Variants in ZFP30 observed in about 807,000 individuals in gnomAD.
The protein encoded by ZFP30 is zinc finger protein 30 homolog.
A neutral mutation model predicts 12.3 loss-of-function variants in ZFP30; 16 were observed. That is an observed-to-expected ratio of 1.30 (90% CI 0.88 to 1.98). The LOEUF (loss-of-function observed/expected upper bound fraction) is 1.98. Ranked by LOEUF, ZFP30 falls within the 30% of genes most tolerant of loss-of-function variation. The probability of loss-of-function intolerance (pLI) is 0.00; values close to 1 mark genes in which losing one functional copy is unlikely to be tolerated. For missense variants in ZFP30, 560 were observed against 611.2 expected (o/e 0.92, Z 0.88); for synonymous variants, 172 against 201.0 (o/e 0.86, Z 1.22).
In ZFP30 at chr19:37,635,840, C is replaced by A. The variant is rs1374906554; in HGVS notation, c.701G>T (p.Arg234Ile). Residue 234 changes from arginine to isoleucine, a missense_variant, in exon 6 of 6, where the codon AGA (arginine) becomes ATA (isoleucine). By Grantham distance (97) the Arg-to-Ile change is moderately conservative. Transcript: ENST00000684514. ...ATACGGCTTCTCACCAATATGAATTCTCTGATGTACTCGAAGGTCTGAGCC... is the reference window on the plus strand; with the variant it reads ...ATACGGCTTCTCACCAATATGAATTATCTGATGTACTCGAAGGTCTGAGCC... ...TCGSDLRVHQ[R>I]IHIGEKPYEC... The A allele has an allele frequency of 6.2e-6, 10 of 1,614,130 alleles. No individual in the cohort carries two copies. The highest frequency in any genetic ancestry group is 2.7e-5 in the African/African-American group (2 of 75,032).
chr19:37,654,989 C>G (rs1230523133), intron 1 of ZFP30, 110 bp from the exon 2 acceptor site: 1 of 152,276 alleles, frequency 6.6e-6, no homozygotes, highest in African/African-American at 2.4e-5. Flanking sequence ...CGCCCGGGAC[C>G]ACCCACTGTG....
Position 37,635,359 on chromosome 19 carries a change from G to GT in ZFP30, c.1181dup (p.Tyr394Ter), listed in dbSNP as rs1226790639. 2 of 1,613,028 alleles carry GT rather than the reference G, an allele frequency of 1.2e-6. No individual in the cohort carries two copies. Among genetic ancestry groups the GT allele is most frequent in the African/African-American group, 2.7e-5 (2 of 74,576 alleles). ...CKECQKFFRRYSELISHQGIH... is the reference protein window; with the variant it reads ...CKECQKFFRR The stretch of plus-strand genomic sequence containing the variant: ...TACCCTGATGTGAAATAAGTTCTGA[G>GT]TAACGACGAAAGAACTTCTGACATT... The change falls in exon 6 of 6, where the codon TAC (tyrosine) becomes TAAC (stop). Residue 394 changes from tyrosine to a stop codon, truncating the protein, a stop_gained and frameshift_variant. Coordinates refer to ENST00000684514, the MANE Select transcript of ZFP30 (RefSeq NM_001320669.3). LOFTEE classifies it low-confidence loss of function (END_TRUNC).
chr19:37,649,063 T>C (rs548004362), intron 2 of ZFP30, among the ~76,000 whole-genome samples: 183 of 151,992 alleles, frequency 1.2e-3, no homozygotes, highest in African/African-American at 4.2e-3. Flanking sequence ...CATAGTAAGA[T>C]ACTGTCTCTA....
At chr19:37,644,564 G>A in intron 4 of ZFP30, 46 bp downstream of exon 4, 2 of 1,502,078 alleles carry the variant, frequency 1.3e-6, no homozygotes, top group African/African-American at 1.4e-5. Context: ...CAGAAATTCA[G>A]TCCTGTGAAT....
Position 37,633,998 on chromosome 19 carries a change from A to G in ZFP30, c.*983T>C, listed in dbSNP as rs1462633842. 1 of 152,102 alleles carries G rather than the reference A, an allele frequency of 6.6e-6. No homozygotes were observed. The highest frequency in any genetic ancestry group is 2.4e-5 in the African/African-American group (1 of 41,418). 9.4% of individuals were successfully genotyped at this position (152,102 alleles called of 1,614,324 possible). On this transcript the variant is annotated 3_prime_UTR_variant, in exon 6 of 6. Transcript: ENST00000684514. ...AATATTGTCAATATTCCATTCTCCC[A>G]ATTATTGTTAAGTATCTCTTCTTTT...
rs779329666 is a variant in ZFP30, at chr19:37,635,397, A to G, written c.1144T>C (p.Tyr382His). ...HQRIHTGEKP[Y>H]ECKECQKFFR... is the part of the protein sequence containing the mutation. ...AACTTCTGACATTCCTTACATTCAT[A>G]GGGCTTTTCACCAGTATGTATTCTC... Residue 382 changes from tyrosine to histidine, a missense_variant, in exon 6 of 6, where the codon TAT (tyrosine) becomes CAT (histidine). By Grantham distance (83) the Tyr-to-His change is moderately conservative. Coordinates refer to ENST00000684514, the MANE Select transcript of ZFP30 (RefSeq NM_001320669.3). The G allele has an allele frequency of 1.5e-5, 24 of 1,614,188 alleles. No individual in the cohort carries two copies. Among genetic ancestry groups the G allele is most frequent in the Non-Finnish European group, 1.9e-5 (22 of 1,180,032 alleles).
intron 2 of ZFP30, among the ~76,000 whole-genome samples, chr19:37,649,492 T>C (rs2044606675): frequency 6.6e-6 from 1 of 152,164 alleles, no homozygotes; most frequent in Admixed American, 6.5e-5. Context: ...AGAACCTAAA[T>C]GTCCTTCAGC....
rs2044279291 is a variant in ZFP30, at chr19:37,634,259, G to C, written c.*722C>G. On this transcript the variant is annotated 3_prime_UTR_variant, in exon 6 of 6. Transcript: ENST00000684514. ...TGAATTTTCTCTAAACTGGGAGTTG[G>C]CTCTTGAGGCTTAAATTCAGGTTCA... The C allele has an allele frequency of 6.6e-6, 1 of 152,116 alleles. No individual in the cohort carries two copies. Among genetic ancestry groups the C allele is most frequent in the South Asian group, 2.1e-4 (1 of 4,828 alleles). The allele number at this position is 152,116 out of a possible 1,614,324, so 9.4% of individuals were successfully genotyped here.
chr19:37,650,925 AT>A (rs1313812499), intron 2 of ZFP30, among the ~76,000 whole-genome samples: 6 of 151,858 alleles, frequency 4.0e-5, no homozygotes, highest in South Asian at 2.1e-4. Flanking sequence ...TTTTGTAGAG[AT>A]GGGGTTTTGT....
chr19:37,641,725 T>C (rs1243508524), intron 5 of ZFP30, among the ~76,000 whole-genome samples: 1 of 152,204 alleles, frequency 6.6e-6, no homozygotes, highest in Non-Finnish European at 1.5e-5. Flanking sequence ...CACACTTCCA[T>C]CTGATAAAAT....
At chr19:37,636,907 C>T (rs1006573043) in intron 5 of ZFP30, among the ~76,000 whole-genome samples, 1 of 152,066 alleles carries the variant, frequency 6.6e-6, no homozygotes, top group African/African-American at 2.4e-5. Context: ...GACAGGGTTT[C>T]ACCATGTTGG....
At chr19:37,655,499 T>A (rs3101746), upstream of ZFP30, 113,583 of 152,272 alleles carry the variant, frequency 0.75, 43,052 homozygotes, top group Middle Eastern at 0.83. Context: ...GCGAATGCGC[T>A]AGCGCGCGGG....
intron 3 of ZFP30, among the ~76,000 whole-genome samples, chr19:37,645,666 T>G (rs1347336814): frequency 1.3e-5 from 2 of 151,476 alleles, no homozygotes; most frequent in African/African-American, 4.9e-5. Flanking sequence ...TTCAATTAAC[T>G]GAAATAGGTT....
intron 5 of ZFP30, among the ~76,000 whole-genome samples, chr19:37,643,052 C>CAAAAAAAAAAAAAAAAA (rs951396776): frequency 1.6e-5 from 1 of 61,416 alleles, no homozygotes; most frequent in Non-Finnish European, 3.1e-5. Context: ...GACTCCGTCT[C>CAAAAAAAAAAAAAAAAA]AAAAAAAAAA....
At chr19:37,637,032 C>G (rs1372831831) in intron 5 of ZFP30, among the ~76,000 whole-genome samples, 3 of 151,870 alleles carry the variant, frequency 2.0e-5, no homozygotes, top group African/African-American at 4.8e-5. Context: ...CTTTTTGGAG[C>G]TTTTCACTGG....
At chr19:37,642,822 G>A (rs1399637386) in intron 5 of ZFP30, among the ~76,000 whole-genome samples, 3 of 151,922 alleles carry the variant, frequency 2.0e-5, no homozygotes, top group Admixed American at 6.6e-5. Context: ...TTGGGAGGCC[G>A]AGGCGGGTGG....
intron 5 of ZFP30, among the ~76,000 whole-genome samples, chr19:37,639,014 A>G (rs2044383482): frequency 1.3e-5 from 2 of 152,224 alleles, no homozygotes; most frequent in Admixed American, 6.5e-5. Flanking sequence ...GTAAAAGACA[A>G]CAATAATTTA....
chr19:37,642,077 T>C (rs530606318), intron 5 of ZFP30, among the ~76,000 whole-genome samples: 2 of 152,374 alleles, frequency 1.3e-5, no homozygotes, highest in South Asian at 4.1e-4. Context: ...ATTGCCTCTA[T>C]TTCTTTGATG....
rs759891795 is a variant in ZFP30, at chr19:37,631,976, T to C, written c.*3005A>G. ...CTAGTTCTTATAATCAGTTTTAGGTTAGTCTTGTAGAATAGTATGTTGGAA... is the reference window on the plus strand; with the variant it reads ...CTAGTTCTTATAATCAGTTTTAGGTCAGTCTTGTAGAATAGTATGTTGGAA... On this transcript the variant is annotated 3_prime_UTR_variant, in exon 6 of 6. Coordinates refer to ENST00000684514, the MANE Select transcript of ZFP30 (RefSeq NM_001320669.3). The C allele has an allele frequency of 6.6e-6, 1 of 152,142 alleles. No homozygotes were observed. Among genetic ancestry groups the C allele is most frequent in the South Asian group, 2.1e-4 (1 of 4,826 alleles). 9.4% of individuals were successfully genotyped at this position (152,142 alleles called of 1,614,324 possible).
Sources: gnomAD v4.1 joint callset for allele counts (sites outside exome capture counted in the v4.1 genomes callset) on GRCh38, gnomAD v4.1.1 for gene constraint, MANE v1.5 for transcripts, NCBI Gene and HGNC (gene_info 2026-07-23, HGNC 2026-07-21) for gene names.